CFP: variants seen among roughly 807,000 people sequenced by gnomAD.
The protein encoded by CFP is complement factor properdin.
A neutral mutation model predicts 42.1 loss-of-function variants in CFP; 14 were observed. That is an observed-to-expected ratio of 0.33 (90% confidence interval 0.22 to 0.52). CFP has a LOEUF of 0.52. Ranked by LOEUF, CFP falls within the 20% of genes least tolerant of loss-of-function variation. The probability of loss-of-function intolerance (pLI) is 0.96; values close to 1 mark genes in which losing one functional copy is unlikely to be tolerated. For missense variants in CFP, 318 were observed against 400.4 expected (o/e 0.79, Z 1.76); for synonymous variants, 149 against 160.6 (o/e 0.93, Z 0.54).
chrX:47,624,702 C>T (rs1370125966), intron 8 of CFP: 4 of 281,592 alleles, frequency 1.4e-5, no homozygotes, highest in South Asian at 1.9e-4. Context: ...GGATTACAGG[C>T]GTGAGCCACT....
Position 47,627,629 on chromosome X carries a change from C to A in CFP, c.416G>T (p.Trp139Leu). 2 of 1,199,443 alleles carry A rather than the reference C, an allele frequency of 1.7e-6. No individual in the cohort carries two copies. Among genetic ancestry groups the A allele is most frequent in the Non-Finnish European group, 2.3e-6 (2 of 888,583 alleles). ...DQQCCPEMGG[W>L]SGWGPWEPCS... ...AGGCTCCCAGGGCCCCCAGCCAGAC[C>A]AGCCGCCCATCTCTGTGGGAGAGAA... The change falls in exon 4 of 9, where the codon TGG becomes TTG. Residue 139 changes from tryptophan to leucine, a missense_variant. Coordinates refer to ENST00000396992, the MANE Select transcript of CFP (RefSeq NM_001145252.3).
rs2057959130 is a variant in CFP at position 47,624,223 on chromosome X, T to C, written c.*52A>G. 2 of 1,166,666 alleles carry C rather than the reference T, an allele frequency of 1.7e-6. No individual in the cohort carries two copies. Among genetic ancestry groups the C allele is most frequent in the Admixed American group, 4.4e-5 (2 of 45,959 alleles). On this transcript the variant is annotated 3_prime_UTR_variant, in exon 9 of 9. Transcript: ENST00000396992. ...GAATCGTAGACGAACTCGAAGAGGCTAGTTTATTGAGGTTTGGAAGGTCAG... is the reference window on the plus strand; with the variant it reads ...GAATCGTAGACGAACTCGAAGAGGCCAGTTTATTGAGGTTTGGAAGGTCAG...
intron 8 of CFP, 164 bp from the exon 9 acceptor site, chrX:47,624,604 C>T: frequency 2.3e-6 from 1 of 428,906 alleles, no homozygotes; most frequent in Non-Finnish European, 3.8e-6. Flanking sequence ...GCCCAGGCTG[C>T]AGTGCAGTGG....
intron 8 of CFP, 28 bp from the exon 9 acceptor site, chrX:47,624,468 G>A: frequency 1.7e-6 from 2 of 1,191,285 alleles, no homozygotes; most frequent in South Asian, 3.6e-5. Flanking sequence ...GGGAGGAACG[G>A]AAGGGAGAAT....
rs8177073 is a variant in CFP, at chrX:47,628,379, C to A, written c.228-102G>T. On this transcript the variant is annotated intron_variant, in intron 2 of 8. Transcript: ENST00000396992. ...GACACGAAGGGTTGCTAGGCAAGTGCGTGTGCGATGGATTGATAAGTCCTT... is the reference window on the plus strand; with the variant it reads ...GACACGAAGGGTTGCTAGGCAAGTGAGTGTGCGATGGATTGATAAGTCCTT... The A allele has an allele frequency of 4.9e-6, 4 of 811,397 alleles. No homozygotes were observed. The Admixed American group carries it at 1.0e-4, about 21-fold the overall frequency. 66.9% of individuals were successfully genotyped at this position (811,397 alleles called of 1,213,427 possible).
In CFP at chrX:47,624,335, C is replaced by T. The variant is rs1172734503; in HGVS notation, c.1350G>A (p.Glu450=). 3.3e-6 allele frequency: 4 copies of T among 1,207,730 alleles called. No homozygotes were observed. In the African/African-American group the frequency reaches 7.1e-5, roughly 21 times the overall value. ...EELQGQKLVV[E]EKRPCLHVPA... is the part of the protein sequence containing the mutation. ...GCACGTGTAGACATGGTCGTTTCTCCTCCACCACCAGCTTCTGCCCTTGTA... is the reference window on the plus strand; with the variant it reads ...GCACGTGTAGACATGGTCGTTTCTCTTCCACCACCAGCTTCTGCCCTTGTA... Residue 450 remains glutamate, a synonymous_variant, in exon 9 of 9, where the codon GAG becomes GAA. Transcript: ENST00000396992.
rs753693226 is a variant in CFP at position 47,626,958 on chromosome X, G to A, written c.767-12C>T. The A allele has an allele frequency of 1.7e-6, 2 of 1,173,782 alleles. No homozygotes were observed. Among genetic ancestry groups the A allele is most frequent in the African/African-American group, 3.5e-5 (2 of 56,633 alleles). ...CCAGCCCCCAGCCACTGTTGGAGGA[G>A]GAAAGGGAGTGAGGAGAAAGGCCTC... On this transcript the variant is annotated splice_polypyrimidine_tract_variant and intron_variant, in intron 5 of 8. Coordinates refer to ENST00000396992, the MANE Select transcript of CFP (RefSeq NM_001145252.3).
At chrX:47,627,680 G>T in intron 3 of CFP, 39 bp from the exon 4 acceptor site, 1 of 1,133,535 alleles carries the variant, frequency 8.8e-7, no homozygotes, top group Middle Eastern at 3.4e-4. Flanking sequence ...TGGAGGTGGG[G>T]TGTCATTCAG....
intron 1 of CFP, 43 bp from the exon 2 acceptor site, chrX:47,629,717 G>A: frequency 8.6e-7 from 1 of 1,165,347 alleles, no homozygotes; most frequent in South Asian, 1.9e-5. Flanking sequence ...CTCGGTCAGG[G>A]ATGTGGTGGG....
At chrX:47,626,726 G>T (rs768780525) in intron 6 of CFP, 47 bp downstream of exon 6, 2 of 1,172,404 alleles carry the variant, frequency 1.7e-6, no homozygotes, top group Non-Finnish European at 2.3e-6. Context: ...AGCAGAGAAG[G>T]GCAAGGGGGA....
intron 2 of CFP, 27 bp downstream of exon 2, chrX:47,629,497 C>CAA (rs2147937934): frequency 2.1e-5 from 16 of 774,731 alleles, no homozygotes; most frequent in Non-Finnish European, 2.7e-5. Flanking sequence ...CCCTCCCCCC[C>CAA]ATCCCCCACC....
Position 47,628,094 on chromosome X carries a change from C to T in CFP, c.403+8G>A. ...GGAGTGCTTGCCCGCCTTGCTCATC[C>T]TCCTCACCAGGACAGCACTGCTGGT... On this transcript the variant is annotated splice_region_variant and intron_variant, in intron 3 of 8. Coordinates refer to ENST00000396992, the MANE Select transcript of CFP (RefSeq NM_001145252.3). 1.7e-6 allele frequency: 2 copies of T among 1,211,262 alleles called. No homozygotes were observed. The highest frequency in any genetic ancestry group is 2.2e-6 in the Non-Finnish European group (2 of 895,274).
At chrX:47,626,592 G>A (rs2057969432) in intron 6 of CFP, 73 bp from the exon 7 acceptor site, 1 of 1,112,868 alleles carries the variant, frequency 9.0e-7, no homozygotes, top group Non-Finnish European at 1.2e-6. Flanking sequence ...AAGGAATGAG[G>A]GCGGTAGGAG....
chrX:47,626,066 G>A lies in CFP; in HGVS notation c.1236C>T (p.Pro412=), dbSNP rs774205180. The A allele has an allele frequency of 1.7e-6, 2 of 1,171,518 alleles. No homozygotes were observed. The highest frequency in any genetic ancestry group is 5.0e-5 in the Admixed American group (2 of 39,635). ...ARQRLCTPLL[P]KYPPTVSMVE... is the part of the protein sequence containing the mutation. ...TTTGCCCTCTCACTCACGGGTACTTGGGGAGCAAGGGTGTGCAGAGGCGCT... is the reference window on the plus strand; with the variant it reads ...TTTGCCCTCTCACTCACGGGTACTTAGGGAGCAAGGGTGTGCAGAGGCGCT... The change falls in exon 8 of 9, where the codon CCC becomes CCT. Residue 412 remains proline, a synonymous_variant. Transcript: ENST00000396992.
intron 2 of CFP, 163 bp from the exon 3 acceptor site, chrX:47,628,440 G>A: frequency 1.9e-6 from 1 of 540,498 alleles, no homozygotes; most frequent in Non-Finnish European, 3.3e-6. Flanking sequence ...ATGGGAAGCA[G>A]TGGATATACA....
chrX:47,629,491 C>CAAA, intron 2 of CFP, 33 bp downstream of exon 2: 1 of 455,548 alleles, frequency 2.2e-6, no homozygotes, highest in Non-Finnish European at 3.9e-6. Flanking sequence ...GTCCTTCCCT[C>CAAA]CCCCCCATCC....
intron 8 of CFP, chrX:47,624,698 C>T (rs751475559): frequency 4.8e-5 from 14 of 291,069 alleles, no homozygotes; most frequent in African/African-American, 3.6e-4. Context: ...GCTGGGATTA[C>T]AGGCGTGAGC....
At chrX:47,625,063 C>G (rs2057963345) in intron 8 of CFP, 1 of 111,876 alleles carries the variant, frequency 8.9e-6, no homozygotes, top group Non-Finnish European at 1.9e-5. Context: ...GCCCAAATCC[C>G]TGCCCCAAGC....
chrX:47,628,457 G>C lies in CFP; in HGVS notation c.228-180C>G. 3 of 527,383 alleles carry C rather than the reference G, an allele frequency of 5.7e-6. No homozygotes were observed. In the East Asian group the frequency reaches 1.1e-4, roughly 19 times the overall value. 43.5% of individuals were successfully genotyped at this position (527,383 alleles called of 1,213,427 possible). On this transcript the variant is annotated intron_variant, in intron 2 of 8. Coordinates refer to ENST00000396992, the MANE Select transcript of CFP (RefSeq NM_001145252.3). The stretch of plus-strand genomic sequence containing the variant: ...GGGAAGCAGTGGATATACAATAAGT[G>C]CTTGATAATGTCATTTACCTTCACA...
Sources: allele counts gnomAD v4.1 joint callset, GRCh38; gene constraint gnomAD v4.1.1; transcripts MANE v1.5; gene names NCBI Gene and HGNC (gene_info 2026-07-23, HGNC 2026-07-21).